Variants in GABRB3 observed in about 807,000 individuals in gnomAD.
The protein encoded by GABRB3 is gamma-aminobutyric acid receptor subunit beta-3.
A neutral mutation model predicts 52.1 loss-of-function variants in GABRB3; 14 were observed. The observed-to-expected ratio is 0.27, with a 90% CI of 0.18 to 0.42. GABRB3 has a LOEUF of 0.42. GABRB3 is among the 10% of genes least tolerant of loss of function. The pLI, the probability that GABRB3 is intolerant of heterozygous loss-of-function variation, is 1.00. For synonymous variants in GABRB3, 260 were observed against 232.3 expected, an observed-to-expected ratio of 1.12 and a Z score of -1.08; for missense variants, 307 against 609.1, an observed-to-expected ratio of 0.50 and a Z score of 5.22.
At position 26,716,583 on chromosome 15, in the gene GABRB3, T is replaced by G. The variant is rs937511286; in HGVS notation, c.240+55819A>C. 1.3e-5 allele frequency: 13 copies of G among 992,594 alleles called. No homozygotes were observed. In the African/African-American group the frequency reaches 2.3e-4, roughly 17 times the overall value. The allele number at this position is 992,594 out of a possible 1,614,324, so 61.5% of individuals were successfully genotyped here. ...CTTCACCAACTTCTCACAGCCTGCC[T>G]CACATCAACTTGTGAATCCCACTTA... On this transcript the variant is annotated intron_variant, in intron 3 of 8. Coordinates refer to ENST00000311550, the MANE Select transcript of GABRB3 (RefSeq NM_000814.6).
intron 4 of GABRB3, among the ~76,000 whole-genome samples, chr15:26,588,509 C>G (rs1003180221): frequency 6.6e-6 from 1 of 152,166 alleles, no homozygotes; most frequent in African/African-American, 2.4e-5. Flanking sequence ...ATGCGGCATT[C>G]AGATCCAAGC....
At chr15:26,552,343 C>T (rs541474008) in intron 8 of GABRB3, among the ~76,000 whole-genome samples, 2 of 152,182 alleles carry the variant, frequency 1.3e-5, no homozygotes, top group African/African-American at 2.4e-5. Context: ...TTTCTTTCCA[C>T]GGGATGATTA....
rs532599331 is a variant in GABRB3, at chr15:26,601,002, G to A, written c.462-17588C>T. Among the ~76,000 whole-genome samples, 14 of 152,254 alleles carry A rather than the reference G, an allele frequency of 9.2e-5. No homozygotes were observed. In the South Asian group the frequency reaches 2.9e-3, roughly 32 times the overall value. Reference sequence around the variant, plus strand: ...AATGTGTGTGGGGGGGAGTAAAAGTGTACAGTCGTATGTAATCAAAATTGG... The same window carrying A: ...AATGTGTGTGGGGGGGAGTAAAAGTATACAGTCGTATGTAATCAAAATTGG... On this transcript the variant is annotated intron_variant, in intron 4 of 8. Coordinates refer to ENST00000311550, the MANE Select transcript of GABRB3 (RefSeq NM_000814.6).
chr15:26,568,375 G>A (rs1437730898), intron 6 of GABRB3, among the ~76,000 whole-genome samples: 1 of 152,100 alleles, frequency 6.6e-6, no homozygotes, highest in Admixed American at 6.5e-5. Context: ...TCTCGGATGT[G>A]AACATTCCAC....
chr15:26,551,129 C>T (rs1012245584), intron 8 of GABRB3, among the ~76,000 whole-genome samples: 1 of 152,178 alleles, frequency 6.6e-6, no homozygotes, highest in Non-Finnish European at 1.5e-5. Flanking sequence ...TAGGAAAGTA[C>T]ACCTAGTGCT....
At chr15:26,681,531 C>T (rs946551397) in intron 3 of GABRB3, among the ~76,000 whole-genome samples, 1 of 152,130 alleles carries the variant, frequency 6.6e-6, no homozygotes, top group African/African-American at 2.4e-5. Flanking sequence ...GATTCCTGTC[C>T]TTCTCGATGT....
chr15:26,571,226 G>GTC (rs10664904), intron 6 of GABRB3, among the ~76,000 whole-genome samples: 145,609 of 152,212 alleles, frequency 0.96, 69,915 homozygotes, highest in East Asian at 1. Flanking sequence ...ACATGGAACA[G>GTC]TCTGCATCAG....
intron 5 of GABRB3, chr15:26,581,198 A>C (rs919305857): frequency 1.3e-5 from 2 of 155,760 alleles, no homozygotes; most frequent in Admixed American, 6.1e-5. Context: ...TACTTGTAAC[A>C]CCCAGGAGTC....
At chr15:26,643,129 T>G (rs1432349291) in intron 3 of GABRB3, among the ~76,000 whole-genome samples, 1 of 152,222 alleles carries the variant, frequency 6.6e-6, no homozygotes, top group Non-Finnish European at 1.5e-5. Flanking sequence ...AAGGTTATCC[T>G]TAATGGCCAG....
intron 5 of GABRB3, among the ~76,000 whole-genome samples, chr15:26,583,055 T>G (rs1480700036): frequency 1.3e-5 from 2 of 152,238 alleles, no homozygotes; most frequent in African/African-American, 4.8e-5. Context: ...TGTAGGAAAA[T>G]AGCATCTCGG....
chr15:26,674,440 A>G (rs923670843), intron 3 of GABRB3, among the ~76,000 whole-genome samples: 195 of 124,350 alleles, frequency 1.6e-3, no homozygotes, highest in Non-Finnish European at 2.6e-3. Flanking sequence ...AAGAAAGGAA[A>G]GGAAAGGAAA....
At chr15:26,566,463 C>T (rs958128141) in intron 7 of GABRB3, among the ~76,000 whole-genome samples, 3 of 152,136 alleles carry the variant, frequency 2.0e-5, no homozygotes, top group African/African-American at 4.8e-5. Context: ...TGGTGGCTCA[C>T]GCATATACTC....
chr15:26,595,121 G>C (rs1245863821), intron 4 of GABRB3, among the ~76,000 whole-genome samples: 1 of 152,134 alleles, frequency 6.6e-6, no homozygotes, highest in African/African-American at 2.4e-5. Context: ...GCCTTAGATG[G>C]TGTATTTTAT....
intron 3 of GABRB3, among the ~76,000 whole-genome samples, chr15:26,725,131 A>C (rs567221461): frequency 2.2e-4 from 33 of 152,262 alleles, no homozygotes; most frequent in Non-Finnish European, 3.4e-4. Flanking sequence ...CTCATGCTAC[A>C]GGTATCTGTA....
rs1452550296 is a variant in GABRB3, at chr15:26,548,041, C to G, written c.1174G>C (p.Ala392Pro). 1 of 1,614,088 alleles carries G rather than the reference C, an allele frequency of 6.2e-7. No homozygotes were observed. Among genetic ancestry groups the G allele is most frequent in the South Asian group, 1.1e-5 (1 of 91,080 alleles). The stretch of plus-strand genomic sequence containing the variant: ...ATTCCTGAGTTGTCAAAGGATATTG[C>G]TGAATTCCTGGTATCGCCAATGCCG... ...SGGIGDTRNSAISFDNSGIQY... is the reference protein window; with the variant it reads ...SGGIGDTRNSPISFDNSGIQY... The change falls in exon 9 of 9, where the codon GCA becomes CCA. Residue 392 changes from alanine (A) to proline (P), a missense_variant. Coordinates refer to ENST00000311550, the MANE Select transcript of GABRB3 (RefSeq NM_000814.6).
intron 4 of GABRB3, among the ~76,000 whole-genome samples, chr15:26,588,814 C>A (rs1392283852): frequency 6.6e-6 from 1 of 152,146 alleles, no homozygotes; most frequent in African/African-American, 2.4e-5. Flanking sequence ...ATTATAGTGA[C>A]ATTTAATCCA....
intron 3 of GABRB3, among the ~76,000 whole-genome samples, chr15:26,769,723 T>A (rs1891095066): frequency 6.6e-6 from 1 of 152,154 alleles, no homozygotes; most frequent in South Asian, 2.1e-4. Flanking sequence ...AGTTTCCACA[T>A]CAAATACCTC....
chr15:26,704,463 A>G (rs1208847777), intron 3 of GABRB3, among the ~76,000 whole-genome samples: 5 of 152,200 alleles, frequency 3.3e-5, no homozygotes, highest in Non-Finnish European at 5.9e-5. Flanking sequence ...CTTGCCAAAC[A>G]GTCATTTGGC....
intron 3 of GABRB3, among the ~76,000 whole-genome samples, chr15:26,651,306 C>T (rs1218800335): frequency 1.3e-5 from 2 of 152,202 alleles, no homozygotes; most frequent in Admixed American, 6.5e-5. Context: ...AGGGGTTGAG[C>T]ACATGGACTG....
Sources: allele counts gnomAD v4.1 joint callset (sites outside exome capture counted in the v4.1 genomes callset), GRCh38; gene constraint gnomAD v4.1.1; transcripts MANE v1.5; gene names NCBI Gene and HGNC (gene_info 2026-07-23, HGNC 2026-07-21).